The following KIDINS220 variants were observed in gnomAD, a reference collection of about 807,000 sequenced individuals.
KIDINS220 encodes kinase D-interacting substrate of 220 kDa.
In KIDINS220, 63 loss-of-function variants were observed where a neutral mutation model predicts 157.6. The ratio of observed to expected loss-of-function variants is 0.40; its 90% CI spans 0.33 to 0.49. KIDINS220 has a LOEUF of 0.49. KIDINS220 is among the 20% of genes least tolerant of loss of function. The pLI is 0.66. For synonymous variants in KIDINS220, 732 were observed against 783.6 expected (o/e 0.93, Z 1.10); for missense variants, 1,772 against 2,171.2 (o/e 0.82, Z 3.65).
At chr2:8,740,087 A>C (rs1255838822) in intron 26 of KIDINS220, 31 of 666,238 alleles carry the variant, frequency 4.7e-5, no homozygotes, top group Non-Finnish European at 5.6e-5. Flanking sequence ...CCCAGCATGA[A>C]GTTGCCAATG....
At chr2:8,783,297 A>C (rs1671957464) in intron 17 of KIDINS220, among the ~76,000 whole-genome samples, 1 of 152,206 alleles carries the variant, frequency 6.6e-6, no homozygotes, top group Admixed American at 6.5e-5. Flanking sequence ...TTTATGGTAG[A>C]AACTCTCAGT....
intron 6 of KIDINS220, among the ~76,000 whole-genome samples, chr2:8,810,719 G>A (rs993209309): frequency 3.3e-5 from 5 of 152,126 alleles, no homozygotes; most frequent in African/African-American, 9.7e-5. Flanking sequence ...CCAGGAGGCA[G>A]AGGTTGCAGT....
intron 7 of KIDINS220, 53 bp downstream of exon 7, chr2:8,806,218 T>A: frequency 7.4e-7 from 1 of 1,345,106 alleles, no homozygotes; most frequent in Non-Finnish European, 1.0e-6. Context: ...ATTCTCTCTC[T>A]TAAAATAAAA....
chr2:8,765,076 A>C (rs7605778), intron 22 of KIDINS220, among the ~76,000 whole-genome samples: 5,452 of 152,258 alleles, frequency 0.036, 344 homozygotes, highest in African/African-American at 0.13. Context: ...AGATGAGACC[A>C]GAAGAAGGAG....
chr2:8,822,842 T>C (rs540102289), intron 2 of KIDINS220, among the ~76,000 whole-genome samples: 80 of 152,314 alleles, frequency 5.3e-4, no homozygotes, highest in African/African-American at 1.9e-3. Flanking sequence ...TTTGCCATCA[T>C]TGAGAATATT....
rs751189236 is a variant in KIDINS220 at position 8,736,878 on chromosome 2, G to A, written c.3707C>T (p.Thr1236Met). 1.5e-5 allele frequency: 25 copies of A among 1,613,792 alleles called. No homozygotes were observed. The highest frequency in any genetic ancestry group is 1.6e-4 in the Middle Eastern group (1 of 6,080). ...DQSMLPQYCT[T>M]IKKANINGRV... The stretch of plus-strand genomic sequence containing the variant: ...AAGTGGCTGCCTCACCTTTTTGATC[G>A]TGGTACAATACTGAGGCAGCATACT... The change falls in exon 27 of 30, where the codon ACG becomes ATG. Residue 1236 changes from threonine (T) to methionine (M), a missense_variant. Thr to Met is a moderately conservative substitution (Grantham distance 81). Coordinates refer to ENST00000256707, the MANE Select transcript of KIDINS220 (RefSeq NM_020738.4).
At chr2:8,825,780 C>G (rs934674673) in intron 2 of KIDINS220, 4 of 152,162 alleles carry the variant, frequency 2.6e-5, no homozygotes, top group Non-Finnish European at 5.9e-5. Flanking sequence ...CTAAAATGTC[C>G]TGCCAAATAA....
downstream of KIDINS220, chr2:8,723,834 C>G (rs138824273): frequency 6.6e-6 from 1 of 152,180 alleles, no homozygotes; most frequent in Non-Finnish European, 1.5e-5. Flanking sequence ...AAGGACTAAA[C>G]AAAGTACAAG....
At chr2:8,723,008 C>G (rs958700508), downstream of KIDINS220, 1 of 152,208 alleles carries the variant, frequency 6.6e-6, no homozygotes, top group Non-Finnish European at 1.5e-5. Context: ...AAACTGCACA[C>G]AAAGTAAACT....
At chr2:8,797,100 C>T (rs532643809) in intron 10 of KIDINS220, among the ~76,000 whole-genome samples, 7 of 152,278 alleles carry the variant, frequency 4.6e-5, no homozygotes, top group African/African-American at 9.6e-5. Context: ...CCCAGCTGCT[C>T]GTAAGCTACA....
In KIDINS220 at chr2:8,832,009, C is replaced by T. The variant is rs143418834; in HGVS notation, c.-36-4880G>A. 2.7e-4 allele frequency among the ~76,000 whole-genome samples: 41 copies of T among 152,312 alleles called. 2 individuals are homozygous for T. The East Asian group carries it at 7.9e-3, about 29-fold the overall frequency. Reference sequence around the variant, plus strand: ...ATCAATTACAGCTTTAGCCTTACTCCATACCTCTTGCCTTTTCGTTAAGAT... The same window carrying T: ...ATCAATTACAGCTTTAGCCTTACTCTATACCTCTTGCCTTTTCGTTAAGAT... On this transcript the variant is annotated intron_variant, in intron 1 of 29. Transcript: ENST00000256707.
At chr2:8,825,541 C>T (rs925968244) in intron 2 of KIDINS220, among the ~76,000 whole-genome samples, 1 of 151,752 alleles carries the variant, frequency 6.6e-6, no homozygotes, top group East Asian at 1.9e-4. Flanking sequence ...TATGTCTACA[C>T]AAGATATATA....
chr2:8,826,399 G>A (rs940839356), intron 2 of KIDINS220, among the ~76,000 whole-genome samples: 13 of 151,992 alleles, frequency 8.6e-5, no homozygotes, highest in African/African-American at 3.1e-4. Context: ...AACTGAGGTC[G>A]GGAGTTCAAG....
At chr2:8,756,762 TC>T (rs1668067221) in intron 22 of KIDINS220, among the ~76,000 whole-genome samples, 1 of 152,196 alleles carries the variant, frequency 6.6e-6, no homozygotes. Flanking sequence ...CCTCATGACC[TC>T]ATCTAAACCT....
chr2:8,804,670 A>G (rs1675193371), intron 7 of KIDINS220, among the ~76,000 whole-genome samples: 1 of 152,236 alleles, frequency 6.6e-6, no homozygotes. Context: ...ATGCAGCACA[A>G]TGTTTTCCCC....
Position 8,751,615 on chromosome 2 carries a change from T to C in KIDINS220, c.3041A>G (p.Asp1014Gly). ...ATCAATTTCAAGAAGTGGCTCAACA[T>C]CCTTAGTTGTTGGAATATTCTTTGA... is the stretch of plus-strand genomic sequence containing the variant. The part of the protein sequence containing the change: ...RISKNIPTTK[D>G]VEPLLEIDGD... Residue 1014 changes from aspartate (D) to glycine (G), a missense_variant, in exon 23 of 30, where the codon GAT (aspartate) becomes GGT (glycine). This residue lies in a region of KIDINS220 where 725 missense variants were observed against 1,017.1 expected (regional missense o/e 0.71). Coordinates refer to ENST00000256707, the MANE Select transcript of KIDINS220 (RefSeq NM_020738.4). 1.2e-6 allele frequency: 2 copies of C among 1,601,622 alleles called. No homozygotes were observed. The highest frequency in any genetic ancestry group is 1.7e-6 in the Non-Finnish European group (2 of 1,174,520).
At chr2:8,744,924 A>G (rs1023264953) in intron 26 of KIDINS220, among the ~76,000 whole-genome samples, 2 of 152,220 alleles carry the variant, frequency 1.3e-5, no homozygotes, top group African/African-American at 2.4e-5. Context: ...ATAGTAAAAT[A>G]AAAGCAAATG....
At chr2:8,801,552 A>G (rs1299685126) in intron 8 of KIDINS220, among the ~76,000 whole-genome samples, 4 of 152,198 alleles carry the variant, frequency 2.6e-5, no homozygotes, top group African/African-American at 9.6e-5. Context: ...GACAACATAC[A>G]ATAAACAAAA....
rs144213271 is a variant in KIDINS220, at chr2:8,759,785, A to C, written c.3012-8141T>G. Among the ~76,000 whole-genome samples the C allele has an allele frequency of 2.8e-4, 43 of 152,212 alleles. 1 individual carries two copies. Among genetic ancestry groups the C allele is most frequent in the South Asian group, 6.2e-4 (3 of 4,816 alleles). ...GGGAAACTATATTTAAAAGTTATGAAGAATTGAGAGGGAATTTTAAGAAGA... is the reference window on the plus strand; with the variant it reads ...GGGAAACTATATTTAAAAGTTATGACGAATTGAGAGGGAATTTTAAGAAGA... On this transcript the variant is annotated intron_variant, in intron 22 of 29. Transcript: ENST00000256707.
Sources: allele counts gnomAD v4.1 joint callset (sites outside exome capture counted in the v4.1 genomes callset), GRCh38; gene constraint gnomAD v4.1.1; regional missense constraint gnomAD v4.1.1; transcripts MANE v1.5; gene names NCBI Gene and HGNC (gene_info 2026-07-23, HGNC 2026-07-21).